Variants in SPARCL1 observed in about 807,000 individuals in gnomAD.
SPARCL1 encodes SPARC like 1.
In SPARCL1, 52 loss-of-function variants were observed where a neutral mutation model predicts 67.1. That is an observed-to-expected ratio of 0.78 (90% CI 0.62 to 0.98). SPARCL1 has a LOEUF of 0.98. Among genes scored for constraint, SPARCL1 ranks in the 50% least tolerant of loss-of-function variants. The pLI is 0.00. For synonymous variants in SPARCL1, 226 were observed against 267.8 expected (o/e 0.84, Z 1.52); for missense variants, 717 against 782.4 (o/e 0.92, Z 1.00).
chr4:87,489,526 A>G (rs184877927), intron 7 of SPARCL1, among the ~76,000 whole-genome samples: 10 of 152,202 alleles, frequency 6.6e-5, no homozygotes, highest in Admixed American at 2.0e-4. Context: ...AGTGGTCCTT[A>G]TTTGGCCATC....
chr4:87,520,931 G>A (rs1456207670), intron 1 of SPARCL1, among the ~76,000 whole-genome samples: 1 of 152,188 alleles, frequency 6.6e-6, no homozygotes, highest in Non-Finnish European at 1.5e-5. Flanking sequence ...CTAGAAAAGA[G>A]GAGGGTGTCT....
chr4:87,474,836 G>C (rs796485347), intron 10 of SPARCL1, among the ~76,000 whole-genome samples: 1 of 148,630 alleles, frequency 6.7e-6, no homozygotes, highest in Admixed American at 6.9e-5. Flanking sequence ...TCCGCCTCCC[G>C]GGTTCACGCC....
intron 10 of SPARCL1, among the ~76,000 whole-genome samples, chr4:87,474,797 A>C (rs905218044): frequency 7.1e-6 from 1 of 141,272 alleles, no homozygotes; most frequent in African/African-American, 2.7e-5. Context: ...GGCCAGACTG[A>C]AGTGGCGCAG....
chr4:87,511,818 G>A (rs1725369371), intron 1 of SPARCL1, among the ~76,000 whole-genome samples: 3 of 152,034 alleles, frequency 2.0e-5, no homozygotes, highest in Non-Finnish European at 2.9e-5. Context: ...TGAAGTGAGG[G>A]CAGTGAGTGT....
At chr4:87,524,610 T>G (rs1463612746) in intron 1 of SPARCL1, among the ~76,000 whole-genome samples, 1 of 152,230 alleles carries the variant, frequency 6.6e-6, no homozygotes, top group African/African-American at 2.4e-5. Flanking sequence ...TACACATTGT[T>G]ACATTTTTCC....
chr4:87,526,980 G>A (rs1483674508), intron 1 of SPARCL1, among the ~76,000 whole-genome samples: 1 of 152,184 alleles, frequency 6.6e-6, no homozygotes, highest in Non-Finnish European at 1.5e-5. Context: ...AAGTCACAGA[G>A]CTATTTTGTG....
intron 8 of SPARCL1, 102 bp from the exon 9 acceptor site, chr4:87,480,622 G>T: frequency 9.1e-7 from 1 of 1,093,818 alleles, no homozygotes. Context: ...ACACGATAGG[G>T]GAAAACAAGC....
At chr4:87,509,377 G>A (rs1016048161) in intron 1 of SPARCL1, among the ~76,000 whole-genome samples, 3 of 152,142 alleles carry the variant, frequency 2.0e-5, no homozygotes, top group Non-Finnish European at 4.4e-5. Flanking sequence ...GCTAGGAAGT[G>A]GCACAGCAGA....
chr4:87,509,290 T>A (rs532884254), intron 1 of SPARCL1, among the ~76,000 whole-genome samples: 1 of 152,240 alleles, frequency 6.6e-6, no homozygotes, highest in South Asian at 2.1e-4. Context: ...TTCTATCAGG[T>A]AAGCACATTA....
chr4:87,507,875 C>G (rs1725165425), intron 1 of SPARCL1, among the ~76,000 whole-genome samples: 2 of 152,196 alleles, frequency 1.3e-5, no homozygotes, highest in African/African-American at 4.8e-5. Context: ...TAGAGTGCAT[C>G]ACAGAACTCA....
At chr4:87,499,332 T>C (rs936913028) in intron 2 of SPARCL1, among the ~76,000 whole-genome samples, 189 bp downstream of exon 2, 4 of 152,232 alleles carry the variant, frequency 2.6e-5, no homozygotes, top group Admixed American at 2.0e-4. Context: ...CTGATAGTTC[T>C]AAAATTTTTT....
intron 1 of SPARCL1, among the ~76,000 whole-genome samples, chr4:87,509,124 T>C (rs1725242595): frequency 6.6e-6 from 1 of 150,548 alleles, no homozygotes; most frequent in Admixed American, 6.6e-5. Context: ...TAGTGTAATG[T>C]GATGATTATG....
At chr4:87,507,495 GC>G (rs1195946589) in intron 1 of SPARCL1, among the ~76,000 whole-genome samples, 1 of 152,046 alleles carries the variant, frequency 6.6e-6, no homozygotes, top group Non-Finnish European at 1.5e-5. Context: ...ACTAGACACT[GC>G]CTAAGCACAA....
At chr4:87,473,887 A>AT in intron 10 of SPARCL1, 84 bp from the exon 11 acceptor site, 2 of 912,366 alleles carry the variant, frequency 2.2e-6, no homozygotes, top group Non-Finnish European at 3.5e-6. Flanking sequence ...GGGGGATTAG[A>AT]GAAACCATCT....
At position 87,481,097 on chromosome 4, in the gene SPARCL1, C is replaced by T. The variant is rs370633121; in HGVS notation, c.1669-577G>A. On this transcript the variant is annotated intron_variant, in intron 8 of 10. Coordinates refer to ENST00000282470, the MANE Select transcript of SPARCL1 (RefSeq NM_004684.6). The stretch of plus-strand genomic sequence containing the variant: ...GGCTAGAAATTATTCTTGAGCAGTG[C>T]CTGTGAAACTCTCAGCTTGTGATGT... Among the ~76,000 whole-genome samples the T allele has an allele frequency of 2.6e-5, 4 of 152,234 alleles. No individual in the cohort carries two copies. In the South Asian group the frequency reaches 6.2e-4, roughly 24 times the overall value.
rs1391098781 is a variant in SPARCL1, at chr4:87,494,416, C to T, written c.384G>A (p.Glu128=). 3 of 1,614,016 alleles carry T rather than the reference C, an allele frequency of 1.9e-6. No homozygotes were observed. The highest frequency in any genetic ancestry group is 2.5e-6 in the Non-Finnish European group (3 of 1,180,036). Residue 128 remains glutamate (E), a synonymous_variant, in exon 4 of 11, where the codon GAG becomes GAA. Transcript: ENST00000282470. ...TCTCTGAGAGTTTTTTCTCCTGAGGCTCACTCATATCTTCTTTTATGTCCA... is the reference window on the plus strand; with the variant it reads ...TCTCTGAGAGTTTTTTCTCCTGAGGTTCACTCATATCTTCTTTTATGTCCA... ...GTLDIKEDMS[E]PQEKKLSENT... is the part of the protein sequence containing the mutation.
intron 1 of SPARCL1, among the ~76,000 whole-genome samples, chr4:87,502,448 T>C (rs1724891660): frequency 6.6e-6 from 1 of 152,192 alleles, no homozygotes; most frequent in Admixed American, 6.5e-5. Context: ...CAGCCTCAAG[T>C]ATCCTCTGTT....
In SPARCL1 at chr4:87,483,264, A is replaced by G. The variant is rs1487764775; in HGVS notation, c.1532-704T>C. 2.0e-5 allele frequency among the ~76,000 whole-genome samples: 3 copies of G among 152,046 alleles called. No individual in the cohort carries two copies. In the East Asian group the frequency reaches 5.8e-4, roughly 29 times the overall value. The stretch of plus-strand genomic sequence containing the variant: ...CCCCCAGCCCCTGACAGGCCCTGGT[A>G]TATGATGTTCCCCTCCCTGTGTCCA... On this transcript the variant is annotated intron_variant, in intron 7 of 10. Coordinates refer to ENST00000282470, the MANE Select transcript of SPARCL1 (RefSeq NM_004684.6).
chr4:87,488,078 T>A lies in SPARCL1; in HGVS notation c.1531+2195A>T, dbSNP rs538927642. ...TCAGAAGAGTTTGTTATTACCCATG[T>A]TCTGAAGCCTACTTCTGTCACTTCC... On this transcript the variant is annotated intron_variant, in intron 7 of 10. Coordinates refer to ENST00000282470, the MANE Select transcript of SPARCL1 (RefSeq NM_004684.6). 1.8e-3 allele frequency among the ~76,000 whole-genome samples: 279 copies of A among 152,320 alleles called. 1 individual carries two copies. The highest frequency in any genetic ancestry group is 2.3e-3 in the Non-Finnish European group (156 of 68,016).
Sources: gnomAD v4.1 joint callset for allele counts (sites outside exome capture counted in the v4.1 genomes callset) on GRCh38, gnomAD v4.1.1 for gene constraint, MANE v1.5 for transcripts, NCBI Gene and HGNC (gene_info 2026-07-23, HGNC 2026-07-21) for gene names.